The following STC1 variants were observed in gnomAD, a reference collection of about 807,000 sequenced individuals.
The protein encoded by STC1 is stanniocalcin 1.
STC1 carries 7 observed loss-of-function variants against 22.6 expected under a neutral mutation model. The ratio of observed to expected loss-of-function variants is 0.31; its 90% CI spans 0.18 to 0.58. STC1 has a LOEUF of 0.58. Ranked by LOEUF, STC1 falls within the 20% of genes least tolerant of loss-of-function variation. The pLI is 0.89. For missense variants in STC1, 224 were observed against 311.0 expected, an observed-to-expected ratio of 0.72 and a Z score of 2.10; for synonymous variants, 113 against 120.7, an observed-to-expected ratio of 0.94 and a Z score of 0.42.
intron 3 of STC1, among the ~76,000 whole-genome samples, chr8:23,848,218 T>C (rs113249414): frequency 0.019 from 2,863 of 152,258 alleles, 39 homozygotes; most frequent in Middle Eastern, 0.041. Context: ...TTTGCAGTGG[T>C]AGTTAGGACT....
Position 23,845,413 on chromosome 8 carries a change from A to G in STC1, c.474-373T>C, listed in dbSNP as rs1003799188. Among the ~76,000 whole-genome samples, 49 of 152,152 alleles carry G rather than the reference A, an allele frequency of 3.2e-4. 1 individual carries two copies. Among genetic ancestry groups the G allele is most frequent in the Admixed American group, 2.6e-4 (4 of 15,268 alleles). On this transcript the variant is annotated intron_variant, in intron 3 of 3. Transcript: ENST00000290271. Reference sequence around the variant, plus strand: ...TCAACTCTCATTTTGTAGAGAAGAAACTAAGGTGGATGAGGTGAAGCAAAT... The same window carrying G: ...TCAACTCTCATTTTGTAGAGAAGAAGCTAAGGTGGATGAGGTGAAGCAAAT...
chr8:23,850,912 CTTTTTTT>C (rs56311630), intron 3 of STC1, among the ~76,000 whole-genome samples: 3 of 89,474 alleles, frequency 3.4e-5, no homozygotes, highest in African/African-American at 4.4e-5. Flanking sequence ...AACCAGAGGG[CTTTTTTT>C]TTTTTTTTTT....
intron 3 of STC1, among the ~76,000 whole-genome samples, chr8:23,848,910 C>T (rs1415273427): frequency 2.0e-5 from 3 of 152,196 alleles, no homozygotes; most frequent in Non-Finnish European, 4.4e-5. Context: ...AGTTTTCCCA[C>T]TCTGGATCTG....
chr8:23,854,068 A>G, intron 1 of STC1: 1 of 1,125,804 alleles, frequency 8.9e-7, no homozygotes, highest in Non-Finnish European at 1.1e-6. Context: ...TCTGGAAAGT[A>G]TAGAGAGCGC....
intron 3 of STC1, 70 bp downstream of exon 3, chr8:23,851,250 C>T: frequency 2.0e-6 from 3 of 1,478,410 alleles, no homozygotes; most frequent in Non-Finnish European, 1.9e-6. Flanking sequence ...CCCTCCCTCC[C>T]AGTCTGGCTC....
In STC1 at chr8:23,844,398, A is replaced by G. The variant is rs542737522; in HGVS notation, c.*372T>C. The G allele has an allele frequency of 8.3e-6, 2 of 241,206 alleles. No individual in the cohort carries two copies. Among genetic ancestry groups the G allele is most frequent in the African/African-American group, 2.2e-5 (1 of 45,702 alleles). The allele number at this position is 241,206 out of a possible 1,614,324, so 14.9% of individuals were successfully genotyped here. On this transcript the variant is annotated 3_prime_UTR_variant, in exon 4 of 4. Transcript: ENST00000290271. Reference sequence around the variant, plus strand: ...TAAAGTTTCCTTATCAGCTAACTCTACTGGGGCAACCGTTCTAAAGGGATC... The same window carrying G: ...TAAAGTTTCCTTATCAGCTAACTCTGCTGGGGCAACCGTTCTAAAGGGATC...
At chr8:23,847,399 T>C (rs1433252266) in intron 3 of STC1, among the ~76,000 whole-genome samples, 1 of 152,240 alleles carries the variant, frequency 6.6e-6, no homozygotes, top group Non-Finnish European at 1.5e-5. Context: ...ACAGTGACCC[T>C]TGCCAGCCTG....
chr8:23,849,615 C>T (rs892130530), intron 3 of STC1, among the ~76,000 whole-genome samples: 4 of 152,116 alleles, frequency 2.6e-5, no homozygotes, highest in Non-Finnish European at 5.9e-5. Context: ...GCCTAAAGAC[C>T]TCTCTGCCTT....
intron 3 of STC1, among the ~76,000 whole-genome samples, chr8:23,848,529 CAAA>C (rs796433655): frequency 0.013 from 818 of 63,544 alleles, 3 homozygotes; most frequent in African/African-American, 0.037. Context: ...GATACTCTGT[CAAA>C]AAAAAAAAAA....
Position 23,844,474 on chromosome 8 carries a change from G to A in STC1, c.*296C>T. On this transcript the variant is annotated 3_prime_UTR_variant, in exon 4 of 4. Transcript: ENST00000290271. ...AGAGTTACATGAATGTTTTGTGTTT[G>A]GGGGTGGTCTCAGGGGAGCAGGGGA... 2.4e-6 allele frequency: 1 copy of A among 413,130 alleles called. No individual in the cohort carries two copies. The allele number at this position is 413,130 out of a possible 1,614,324, so 25.6% of individuals were successfully genotyped here. A position where few individuals can be genotyped will look rare whatever the true frequency, so the allele number is the denominator to read the frequency against.
Position 23,845,047 on chromosome 8 carries a change from C to T in STC1, c.474-7G>A. 6.2e-7 allele frequency: 1 copy of T among 1,613,454 alleles called. No individual in the cohort carries two copies. The highest frequency in any genetic ancestry group is 8.5e-7 in the Non-Finnish European group (1 of 1,179,656). On this transcript the variant is annotated splice_polypyrimidine_tract_variant and splice_region_variant and intron_variant, in intron 3 of 3. Transcript: ENST00000290271. ...GACAAGTCTGTTATAGTATCTGCAT[C>T]AAGAAAGAGAGTGCATATGGTGGTC...
intron 3 of STC1, among the ~76,000 whole-genome samples, chr8:23,850,387 A>G (rs73553077): frequency 2.6e-3 from 394 of 152,300 alleles, no homozygotes; most frequent in African/African-American, 8.8e-3. Flanking sequence ...TAGAAATTCA[A>G]GGCTGGGAGT....
Position 23,844,627 on chromosome 8 carries a change from G to C in STC1, c.*143C>G, listed in dbSNP as rs1802549171. ...TTGGGATATTGATTACAGAAGCCTAGTTTCATGCAATTTTCTTTAAGGGGG... is the reference window on the plus strand; with the variant it reads ...TTGGGATATTGATTACAGAAGCCTACTTTCATGCAATTTTCTTTAAGGGGG... On this transcript the variant is annotated 3_prime_UTR_variant, in exon 4 of 4. Transcript: ENST00000290271. The C allele has an allele frequency of 2.1e-6, 2 of 949,304 alleles. No homozygotes were observed. Among genetic ancestry groups the C allele is most frequent in the East Asian group, 2.6e-5 (1 of 37,798 alleles). The allele number at this position is 949,304 out of a possible 1,614,324, so 58.8% of individuals were successfully genotyped here. A position where few individuals can be genotyped will look rare whatever the true frequency, so the allele number is the denominator to read the frequency against.
At chr8:23,848,405 G>A (rs1305686725) in intron 3 of STC1, among the ~76,000 whole-genome samples, 1 of 151,824 alleles carries the variant, frequency 6.6e-6, no homozygotes, top group Admixed American at 6.6e-5. Context: ...GGTGGTGAGT[G>A]CTTGTAATCC....
At position 23,846,551 on chromosome 8, in the gene STC1, A is replaced by T. The variant is rs371461538; in HGVS notation, c.474-1511T>A. ...TGCACAGGATCAAACATCTTTCTAG[A>T]ATAACTTAATCCCCCAGAGAGGTTA... On this transcript the variant is annotated intron_variant, in intron 3 of 3. Transcript: ENST00000290271. 2.9e-4 allele frequency among the ~76,000 whole-genome samples: 44 copies of T among 152,346 alleles called. No homozygotes were observed. The East Asian group carries it at 7.1e-3, about 25-fold the overall frequency.
intron 3 of STC1, among the ~76,000 whole-genome samples, chr8:23,848,745 T>C (rs1343235647): frequency 6.6e-6 from 1 of 151,982 alleles, no homozygotes; most frequent in Admixed American, 6.6e-5. Context: ...ATATTCTCCA[T>C]AGCTACTGTT....
chr8:23,845,852 A>G (rs1227030922), intron 3 of STC1, among the ~76,000 whole-genome samples: 1 of 152,152 alleles, frequency 6.6e-6, no homozygotes, highest in East Asian at 1.9e-4. Context: ...AGAGTTTGCT[A>G]ACCTCTTCCC....
chr8:23,854,029 A>G (rs763397037), intron 1 of STC1: 198 of 1,042,510 alleles, frequency 1.9e-4, no homozygotes, highest in Non-Finnish European at 2.2e-4. Context: ...GACAGCATCA[A>G]ACAAGCCAGG....
intron 1 of STC1, chr8:23,854,164 G>T: frequency 1.5e-6 from 2 of 1,307,240 alleles, no homozygotes; most frequent in South Asian, 1.7e-5. Flanking sequence ...AGGCAATCAG[G>T]CTAGGCTTAT....
Sources: allele counts gnomAD v4.1 joint callset (sites outside exome capture counted in the v4.1 genomes callset), GRCh38; gene constraint gnomAD v4.1.1; transcripts MANE v1.5; gene names NCBI Gene and HGNC (gene_info 2026-07-23, HGNC 2026-07-21).